BNIP2: variants seen among roughly 807,000 people sequenced by gnomAD.
BNIP2 encodes BCL2/adenovirus E1B 19 kDa protein-interacting protein 2.
In BNIP2, 36 loss-of-function variants were observed where a neutral mutation model predicts 43.4. The observed-to-expected ratio is 0.83, with a 90% CI of 0.64 to 1.10. The LOEUF (loss-of-function observed/expected upper bound fraction) is 1.10, where lower values mean the gene tolerates loss of function less well. Ranked by LOEUF, BNIP2 falls within the 50% of genes least tolerant of loss-of-function variation. The pLI is 0.00. For synonymous variants in BNIP2, 146 were observed against 121.0 expected (o/e 1.21, Z -1.35); for missense variants, 417 against 374.1 (o/e 1.11, Z -0.95).
chr15:59,673,910 G>A (rs951644092), intron 5 of BNIP2, among the ~76,000 whole-genome samples: 16 of 151,834 alleles, frequency 1.1e-4, no homozygotes, highest in South Asian at 4.2e-4. Flanking sequence ...CCAACATGGC[G>A]AAACCCCATC....
intron 9 of BNIP2, chr15:59,668,010 C>T (rs2141989995): frequency 1.2e-6 from 1 of 853,212 alleles, no homozygotes. Flanking sequence ...ATGCTATTAT[C>T]TTTGTCTACA....
intron 1 of BNIP2, chr15:59,688,525 G>GT (rs1440984781): frequency 1.7e-6 from 1 of 580,152 alleles, no homozygotes; most frequent in East Asian, 3.3e-5. Flanking sequence ...ACACAGACAA[G>GT]TAACTCTCCA....
At chr15:59,667,463 T>C (rs1400929344) in intron 9 of BNIP2, among the ~76,000 whole-genome samples, 1 of 152,244 alleles carries the variant, frequency 6.6e-6, no homozygotes, top group Non-Finnish European at 1.5e-5. Flanking sequence ...TCATCATCTA[T>C]GTCAAGGTAT....
intron 3 of BNIP2, among the ~76,000 whole-genome samples, chr15:59,679,999 C>T (rs1408008115): frequency 1.3e-5 from 2 of 152,112 alleles, no homozygotes; most frequent in African/African-American, 4.8e-5. Flanking sequence ...CTTATAGATA[C>T]CTCTTACCAC....
chr15:59,668,129 T>C, intron 9 of BNIP2: 1 of 1,294,898 alleles, frequency 7.7e-7, no homozygotes, highest in Non-Finnish European at 1.0e-6. Context: ...TAAACTTTTC[T>C]TCTTCATACC....
At chr15:59,680,187 T>TAA (rs2142012235) in intron 3 of BNIP2, 54 bp downstream of exon 3, 2 of 1,350,090 alleles carry the variant, frequency 1.5e-6, no homozygotes, top group East Asian at 5.1e-5. Context: ...AAACGTGTTT[T>TAA]AAAAAATAAC....
At chr15:59,669,029 G>T in intron 8 of BNIP2, 39 bp from the exon 9 acceptor site, 2 of 1,511,374 alleles carry the variant, frequency 1.3e-6, no homozygotes, top group South Asian at 2.3e-5. Flanking sequence ...CCATATTTCT[G>T]ACAAATACAA....
intron 9 of BNIP2, among the ~76,000 whole-genome samples, chr15:59,666,572 C>T (rs6151576): frequency 0.56 from 84,725 of 151,950 alleles, 24,270 homozygotes; most frequent in Middle Eastern, 0.65. Flanking sequence ...GGGGCTGAGG[C>T]AGCAGAATCG....
intron 5 of BNIP2, among the ~76,000 whole-genome samples, chr15:59,675,750 T>C (rs1330189574): frequency 1.3e-5 from 2 of 152,228 alleles, no homozygotes; most frequent in Non-Finnish European, 2.9e-5. Context: ...AAGCAAATTA[T>C]GGTTTATCCA....
rs150500538 is a variant in BNIP2 at position 59,686,983 on chromosome 15, T to C, written c.-58+2152A>G. 4.4e-3 allele frequency among the ~76,000 whole-genome samples: 675 copies of C among 152,222 alleles called. 4 individuals carry two copies. The highest frequency in any genetic ancestry group is 5.0e-3 in the Admixed American group (76 of 15,286). Reference sequence around the variant, plus strand: ...AGTGAGCCGAGATTGCGCCATTGCATTCCAGCCTGGGTGACAGAGCGAGAC... The same window carrying C: ...AGTGAGCCGAGATTGCGCCATTGCACTCCAGCCTGGGTGACAGAGCGAGAC... On this transcript the variant is annotated intron_variant, in intron 1 of 9. Coordinates refer to ENST00000607373, the MANE Select transcript of BNIP2 (RefSeq NM_004330.4).
chr15:59,661,834 G>T lies in BNIP2; in HGVS notation c.*2235C>A, dbSNP rs1287710789. The T allele has an allele frequency of 6.6e-6, 1 of 152,172 alleles. No homozygotes were observed. Among genetic ancestry groups the T allele is most frequent in the Non-Finnish European group, 1.5e-5 (1 of 68,042 alleles). 9.4% of individuals were successfully genotyped at this position (152,172 alleles called of 1,614,324 possible). ...TGCTCTTCCTCTAACCTACTATTAT[G>T]ATCTTAAATCTTATAAAACATTTAT... On this transcript the variant is annotated 3_prime_UTR_variant, in exon 10 of 10. Coordinates refer to ENST00000607373, the MANE Select transcript of BNIP2 (RefSeq NM_004330.4).
intron 1 of BNIP2, among the ~76,000 whole-genome samples, chr15:59,687,561 A>T (rs6151452): frequency 3.3e-5 from 5 of 151,976 alleles, no homozygotes; most frequent in African/African-American, 1.2e-4. Flanking sequence ...AACGTTGGCC[A>T]GGTTTGTCTC....
chr15:59,688,257 G>A (rs757563751), intron 1 of BNIP2, among the ~76,000 whole-genome samples: 8 of 152,150 alleles, frequency 5.3e-5, no homozygotes, highest in Non-Finnish European at 7.3e-5. Flanking sequence ...TTGTAACTTT[G>A]AGGAAACATC....
chr15:59,668,772 ACG>A lies in BNIP2; in HGVS notation c.893+118_893+119del, dbSNP rs376052734. 115 of 779,858 alleles carry A rather than the reference ACG, an allele frequency of 1.5e-4. No homozygotes were observed. In the South Asian group the frequency reaches 1.9e-3, roughly 13 times the overall value. The allele number at this position is 779,858 out of a possible 1,614,324, so 48.3% of individuals were successfully genotyped here. A position where few individuals can be genotyped will look rare whatever the true frequency, so the allele number is the denominator to read the frequency against. ...TTTTCTTTGTTACACACACACACAC[ACG>A]CGCGCGCGCGCACAGTTATAAAATA... On this transcript the variant is annotated intron_variant, in intron 9 of 9. Transcript: ENST00000607373.
intron 7 of BNIP2, among the ~76,000 whole-genome samples, chr15:59,670,064 A>G (rs1892804860): frequency 6.6e-6 from 1 of 152,238 alleles, no homozygotes; most frequent in Admixed American, 6.5e-5. Flanking sequence ...TTAAGTACTG[A>G]TGACTAACTC....
At chr15:59,677,584 T>G (rs1218131754) in intron 5 of BNIP2, among the ~76,000 whole-genome samples, 1 of 152,218 alleles carries the variant, frequency 6.6e-6, no homozygotes, top group Non-Finnish European at 1.5e-5. Context: ...ATGTCAAAAG[T>G]AATGTCAGCA....
intron 9 of BNIP2, among the ~76,000 whole-genome samples, chr15:59,667,159 T>C (rs1892616857): frequency 6.6e-6 from 1 of 152,222 alleles, no homozygotes; most frequent in Admixed American, 6.5e-5. Flanking sequence ...GGTTAAACTG[T>C]GAAGTGTCAT....
chr15:59,688,828 G>T, intron 1 of BNIP2: 1 of 1,532,356 alleles, frequency 6.5e-7, no homozygotes, highest in Non-Finnish European at 8.7e-7. Flanking sequence ...CAGGGTAAAA[G>T]GGTGGGGGAG....
At chr15:59,668,852 T>C (rs1892726139) in intron 9 of BNIP2, 40 bp downstream of exon 9, 3 of 1,519,548 alleles carry the variant, frequency 2.0e-6, no homozygotes, top group Non-Finnish European at 2.7e-6. Context: ...CATCAAAATG[T>C]TAAGATCCAA....
Sources: allele counts gnomAD v4.1 joint callset (sites outside exome capture counted in the v4.1 genomes callset), GRCh38; gene constraint gnomAD v4.1.1; transcripts MANE v1.5; gene names NCBI Gene and HGNC (gene_info 2026-07-23, HGNC 2026-07-21).